Variants in CDHR2 observed in about 807,000 individuals in gnomAD.
CDHR2 encodes the protein cadherin related family member 2.
CDHR2 carries 104 observed loss-of-function variants against 138.6 expected under a neutral mutation model. The ratio of observed to expected loss-of-function variants is 0.75; its 90% CI spans 0.64 to 0.88. CDHR2 has a LOEUF of 0.88. Among genes scored for constraint, CDHR2 ranks in the 40% least tolerant of loss-of-function variants. The pLI is 0.00. For missense variants in CDHR2, 1,624 were observed against 1,727.6 expected, an observed-to-expected ratio of 0.94 and a Z score of 1.06; for synonymous variants, 755 against 742.8, an observed-to-expected ratio of 1.02 and a Z score of -0.27.
rs981446652 is a variant in CDHR2 at position 176,575,354 on chromosome 5, G to A, written c.696G>A (p.Val232=). The change falls in exon 9 of 32, where the codon GTG becomes GTA. Residue 232 remains valine (V), a synonymous_variant. Transcript: ENST00000261944. ...CTGTCTTCCTGTCCATCTCCGTGGT[G>A]GACCAGCCTGACCTTGACCCCCAGT... ...SLPVFLSISV[V]DQPDLDPQFV... 1 of 1,614,232 alleles carries A rather than the reference G, an allele frequency of 6.2e-7. No individual in the cohort carries two copies.
rs1163626891 is a variant in CDHR2, at chr5:176,584,407, C to T, written c.2129-3C>T. On this transcript the variant is annotated splice_region_variant and splice_polypyrimidine_tract_variant and intron_variant, in intron 18 of 31. Coordinates refer to ENST00000261944, the MANE Select transcript of CDHR2 (RefSeq NM_017675.6). ...CCTTCTGAGCTCTGCCCCTTGTCCA[C>T]AGGAGTGCTAGTGGGCGTGGTGAAG... is the stretch of plus-strand genomic sequence containing the variant. 2.5e-6 allele frequency: 4 copies of T among 1,598,196 alleles called. No homozygotes were observed. The highest frequency in any genetic ancestry group is 3.4e-6 in the Non-Finnish European group (4 of 1,170,486).
intron 7 of CDHR2, among the ~76,000 whole-genome samples, chr5:176,574,605 A>T (rs765244918): frequency 2.0e-5 from 3 of 152,198 alleles, no homozygotes; most frequent in Non-Finnish European, 4.4e-5. Flanking sequence ...CAAGTCCCTG[A>T]CATGCAACGG....
At chr5:176,567,641 G>A (rs1367454259) in intron 3 of CDHR2, among the ~76,000 whole-genome samples, 1 of 152,146 alleles carries the variant, frequency 6.6e-6, no homozygotes, top group Non-Finnish European at 1.5e-5. Flanking sequence ...ATAGGCACGT[G>A]CCACCAGGCC....
rs1382672360 is a variant in CDHR2, at chr5:176,553,046, T to C, written c.-16+3632T>C. ...AGGCCCTCCATCCTGCCCTGTGAGA[T>C]GGGGAGGGGGGAGTTGGGAGACACT... On this transcript the variant is annotated intron_variant, in intron 1 of 31. Transcript: ENST00000261944. This position sits in a 1 kb window ranked among gnomAD's most constrained non-coding sequence, Gnocchi z 4.3. Among the ~76,000 whole-genome samples the C allele has an allele frequency of 6.6e-6, 1 of 151,454 alleles. No individual in the cohort carries two copies. The highest frequency in any genetic ancestry group is 1.5e-5 in the Non-Finnish European group (1 of 67,890).
chr5:176,586,134 A>G (rs1418278259), intron 20 of CDHR2, 109 bp downstream of exon 20: 1 of 789,616 alleles, frequency 1.3e-6, no homozygotes, highest in Admixed American at 2.0e-5. Context: ...GAAAGGGGGG[A>G]AGGCCTCTAA....
chr5:176,551,887 G>GGGC (rs1304827367), intron 1 of CDHR2, among the ~76,000 whole-genome samples: 1 of 146,144 alleles, frequency 6.8e-6, no homozygotes, highest in East Asian at 2.0e-4. Flanking sequence ...TTTTTTTTGG[G>GGGC]GAACTTTTAG....
rs751765947 is a variant in CDHR2, at chr5:176,575,192, C to A, written c.604C>A (p.Leu202Met). ...CAACAACAAGAGCGCTTTCTACCAG[C>A]TGGAGCTGAAGGCCTGTGTGAGTGG... is the stretch of plus-strand genomic sequence containing the variant. ...SYNNKSAFYQ[L>M]ELKACDLGGM... Residue 202 changes from leucine (L) to methionine (M), a missense_variant, in exon 8 of 32, where the codon CTG (leucine) becomes ATG (methionine). This residue lies in a region of CDHR2 where 1,061 missense variants were observed against 1,136.6 expected (regional missense o/e 0.93). Transcript: ENST00000261944. 1.2e-6 allele frequency: 2 copies of A among 1,614,220 alleles called. No individual in the cohort carries two copies. The highest frequency in any genetic ancestry group is 1.7e-6 in the Non-Finnish European group (2 of 1,180,042).
In CDHR2 at chr5:176,553,179, T is replaced by C. The variant is rs975973041; in HGVS notation, c.-16+3765T>C. 1.3e-5 allele frequency among the ~76,000 whole-genome samples: 2 copies of C among 152,036 alleles called. No homozygotes were observed. The highest frequency in any genetic ancestry group is 2.4e-5 in the African/African-American group (1 of 41,376). On this transcript the variant is annotated intron_variant, in intron 1 of 31. Transcript: ENST00000261944. The surrounding 1 kb of genome is among the most constrained non-coding windows in gnomAD (Gnocchi z 4.3). ...GGCTGTTCTCTCTCAACATCACATG[T>C]TTGTGGGCTCAGCATGACCTGTGGG...
Position 176,576,011 on chromosome 5 carries a change from A to G in CDHR2, c.1020A>G (p.Thr340=). The change falls in exon 12 of 32, where the codon ACA becomes ACG. Residue 340 remains threonine, a synonymous_variant. Transcript: ENST00000261944. This position sits in a 1 kb window ranked among gnomAD's most constrained non-coding sequence, Gnocchi z 4.5. Reference sequence around the variant, plus strand: ...AGGCCAAGGTGAGCATCTGGGTGACAGTGAGAGTGATGGACGTCAATGACC... The same window carrying G: ...AGGCCAAGGTGAGCATCTGGGTGACGGTGAGAGTGATGGACGTCAATGACC... ...GQEAKVSIWV[T]VRVMDVNDHK... 1 of 1,613,498 alleles carries G rather than the reference A, an allele frequency of 6.2e-7. No individual in the cohort carries two copies. The highest frequency in any genetic ancestry group is 1.1e-5 in the South Asian group (1 of 91,058).
chr5:176,591,656 G>A, intron 30 of CDHR2, 172 bp downstream of exon 30: 1 of 628,066 alleles, frequency 1.6e-6, no homozygotes, highest in Non-Finnish European at 2.9e-6. Context: ...GATGGTGATG[G>A]TAGCAATGGT....
chr5:176,568,542 T>G, intron 3 of CDHR2, 136 bp from the exon 4 acceptor site: 1 of 882,712 alleles, frequency 1.1e-6, no homozygotes, highest in Admixed American at 2.8e-5. Flanking sequence ...TGGCTGATGG[T>G]TGGGGAGGTC....
intron 6 of CDHR2, among the ~76,000 whole-genome samples, chr5:176,573,491 A>T (rs1441696244): frequency 1.3e-5 from 2 of 151,510 alleles, no homozygotes; most frequent in East Asian, 1.9e-4. Context: ...AATATATATA[A>T]AAAAAATTAG....
intron 16 of CDHR2, among the ~76,000 whole-genome samples, chr5:176,579,616 A>G (rs1409259661): frequency 6.6e-6 from 1 of 152,198 alleles, no homozygotes; most frequent in Non-Finnish European, 1.5e-5. Flanking sequence ...CCAAAGGATG[A>G]GCAGACAGGA....
At chr5:176,577,300 T>G in intron 12 of CDHR2, 99 bp from the exon 13 acceptor site, 1 of 1,323,530 alleles carries the variant, frequency 7.6e-7, no homozygotes, top group Non-Finnish European at 1.0e-6. Flanking sequence ...TGGGACCTCA[T>G]CGGGCGGGGC....
chr5:176,575,808 A>C lies in CDHR2; in HGVS notation c.929A>C (p.Glu310Ala). 6.4e-7 allele frequency: 1 copy of C among 1,553,760 alleles called. No individual in the cohort carries two copies. The highest frequency in any genetic ancestry group is 8.7e-7 in the Non-Finnish European group (1 of 1,148,186). ...NGSLDREQLL[E>A]ADEEVQLQVT... is the part of the protein sequence containing the mutation. ...TCCCTGGACCGTGAGCAGCTGCTGG[A>C]GGCGGATGAGGAGGTGCAGCTGCAG... Residue 310 changes from glutamate (E) to alanine (A), a missense_variant, in exon 11 of 32, where the codon GAG (glutamate) becomes GCG (alanine). Around this residue, in one of 3 missense-constraint regions of CDHR2, gnomAD observed 1,061 missense variants for 1,136.6 expected, o/e 0.93. Transcript: ENST00000261944.
At chr5:176,591,603 GTAGTAGTGGTAGTTA>G in intron 30 of CDHR2, 119 bp downstream of exon 30, 1 of 746,878 alleles carries the variant, frequency 1.3e-6, no homozygotes, top group Admixed American at 2.1e-5. Flanking sequence ...TGTGGTCATG[GTAGTAGTGGTAGTTA>G]TGGTGGTGGT....
intron 31 of CDHR2, among the ~76,000 whole-genome samples, chr5:176,593,205 G>A (rs1758932542): frequency 6.6e-6 from 1 of 152,168 alleles, no homozygotes; most frequent in Non-Finnish European, 1.5e-5. Flanking sequence ...GAGAAGATGG[G>A]TTCAAATAAA....
intron 1 of CDHR2, among the ~76,000 whole-genome samples, chr5:176,561,968 G>T (rs1757977231): frequency 3.3e-5 from 5 of 152,092 alleles, no homozygotes; most frequent in Admixed American, 3.3e-4. Flanking sequence ...AATGAAGAGA[G>T]TGCATCAGCC....
rs759481437 is a variant in CDHR2 at position 176,575,967 on chromosome 5, C to A, written c.976C>A (p.Leu326Ile). ...TGTGCCTCAGGCCACCGAGACACAC[C>A]TCAACATCTACGGGCAGGAGGCCAA... ...QLQVTATETH[L>I]NIYGQEAKVS... Residue 326 changes from leucine to isoleucine, a missense_variant, in exon 12 of 32, where the codon CTC becomes ATC. By Grantham distance (5) the Leu-to-Ile change is conservative. This residue lies in a region of CDHR2 where 1,061 missense variants were observed against 1,136.6 expected (regional missense o/e 0.93). Coordinates refer to ENST00000261944, the MANE Select transcript of CDHR2 (RefSeq NM_017675.6). The A allele has an allele frequency of 3.1e-6, 5 of 1,613,838 alleles. 1 individual carries two copies. In the South Asian group the frequency reaches 4.4e-5, roughly 14 times the overall value.
Sources: allele counts gnomAD v4.1 joint callset (sites outside exome capture counted in the v4.1 genomes callset), GRCh38; gene constraint gnomAD v4.1.1; regional missense constraint gnomAD v4.1.1; non-coding constraint Gnocchi (gnomAD v3.1); transcripts MANE v1.5; gene names NCBI Gene and HGNC (gene_info 2026-07-23, HGNC 2026-07-21).